The following SLC35F5 variants were observed in gnomAD, a reference collection of about 807,000 sequenced individuals.
SLC35F5 encodes HCV NS5A-transactivated protein 3.
A neutral mutation model predicts 68.6 loss-of-function variants in SLC35F5; 54 were observed. That is an observed-to-expected ratio of 0.79 (90% CI 0.63 to 0.99). SLC35F5 has a LOEUF of 0.99. Ranked by LOEUF, SLC35F5 falls within the 50% of genes least tolerant of loss-of-function variation. SLC35F5 has a pLI of 0.00. For synonymous variants in SLC35F5, 211 were observed against 205.2 expected, an observed-to-expected ratio of 1.03 and a Z score of -0.24; for missense variants, 567 against 626.9, an observed-to-expected ratio of 0.90 and a Z score of 1.02.
Position 113,712,267 on chromosome 2 carries a change from A to G in SLC35F5, c.*2951T>C, listed in dbSNP as rs560700044. Among the ~76,000 whole-genome samples, 1 of 152,366 alleles carries G rather than the reference A, an allele frequency of 6.6e-6. No homozygotes were observed. The highest frequency in any genetic ancestry group is 2.4e-5 in the African/African-American group (1 of 41,584). ...TTAAAGGAATAAGTATGGGTGCATT[A>G]CATAAACCTAATGGTTCTTCTAAGC... On this transcript the variant is annotated 3_prime_UTR_variant, in exon 16 of 16. Transcript: ENST00000245680.
rs943309044 is a variant in SLC35F5, at chr2:113,712,186, T to G, written c.*3032A>C. 6.6e-6 allele frequency among the ~76,000 whole-genome samples: 1 copy of G among 152,234 alleles called. No individual in the cohort carries two copies. Among genetic ancestry groups the G allele is most frequent in the Non-Finnish European group, 1.5e-5 (1 of 68,036 alleles). On this transcript the variant is annotated 3_prime_UTR_variant, in exon 16 of 16. Coordinates refer to ENST00000245680, the MANE Select transcript of SLC35F5 (RefSeq NM_025181.5). ...GGAAAATCAGCTTAATGTAAAGAAT[T>G]AATTAAATCAGGTTGACAGAAGCCA...
In SLC35F5 at chr2:113,756,522, C is replaced by G; in HGVS notation, c.-113G>C. On this transcript the variant is annotated 5_prime_UTR_variant, in exon 1 of 16. Coordinates refer to ENST00000245680, the MANE Select transcript of SLC35F5 (RefSeq NM_025181.5). ...GCACTGGAGGCCCAGCTCCTGAAGA[C>G]GCGGTGCCCCTCAGGGAGAGGCTCC... 4.0e-6 allele frequency: 6 copies of G among 1,498,342 alleles called. No homozygotes were observed. Among genetic ancestry groups the G allele is most frequent in the Non-Finnish European group, 5.3e-6 (6 of 1,128,106 alleles). 92.8% of individuals were successfully genotyped at this position (1,498,342 alleles called of 1,614,324 possible).
At chr2:113,730,708 A>T (rs1687848516) in intron 10 of SLC35F5, among the ~76,000 whole-genome samples, 1 of 152,230 alleles carries the variant, frequency 6.6e-6, no homozygotes, top group Non-Finnish European at 1.5e-5. Flanking sequence ...CACTGGGATA[A>T]CAGGCATGAG....
chr2:113,703,093 G>C (rs1686728035), downstream of SLC35F5, among the ~76,000 whole-genome samples: 1 of 151,122 alleles, frequency 6.6e-6, no homozygotes, highest in Non-Finnish European at 1.5e-5. Flanking sequence ...CTGGGTGACA[G>C]AGCAAGACCC....
In SLC35F5 at chr2:113,756,602, G is replaced by T; in HGVS notation, c.-193C>A. ...AGGGCGTGGAGCGGGTGAGGGGAAG[G>T]GACGGCACAGTCAGCTATGGCCGCG... On this transcript the variant is annotated 5_prime_UTR_variant, in exon 1 of 16. Transcript: ENST00000245680. 1 of 1,389,798 alleles carries T rather than the reference G, an allele frequency of 7.2e-7. No individual in the cohort carries two copies. The highest frequency in any genetic ancestry group is 9.4e-7 in the Non-Finnish European group (1 of 1,065,214). 86.1% of individuals were successfully genotyped at this position (1,389,798 alleles called of 1,614,324 possible).
At chr2:113,716,130 T>C (rs1401684876) in intron 15 of SLC35F5, among the ~76,000 whole-genome samples, 1 of 151,840 alleles carries the variant, frequency 6.6e-6, no homozygotes, top group Non-Finnish European at 1.5e-5. Flanking sequence ...AAAAGAAAAG[T>C]AGAGAGATGA....
At position 113,755,462 on chromosome 2, in the gene SLC35F5, A is replaced by AG. The variant is rs1676938301; in HGVS notation, c.122_123insC (p.Lys42Ter). ...ATAAACGTGGAATCTACCTTGTCTT[A>AG]AGAGCCCTTCTGAGATCCTCAAGAG... On this transcript the variant is annotated frameshift_variant, in exon 2 of 16. Coordinates refer to ENST00000245680, the MANE Select transcript of SLC35F5 (RefSeq NM_025181.5). LOFTEE classifies it high-confidence loss of function. 6.2e-7 allele frequency: 1 copy of AG among 1,614,120 alleles called. No homozygotes were observed. Among genetic ancestry groups the AG allele is most frequent in the Non-Finnish European group, 8.5e-7 (1 of 1,179,956 alleles).
At chr2:113,716,187 A>C (rs1044963340) in intron 15 of SLC35F5, among the ~76,000 whole-genome samples, 5 of 152,222 alleles carry the variant, frequency 3.3e-5, no homozygotes, top group African/African-American at 1.2e-4. Context: ...ACAGGACCAG[A>C]TATCTCTGTA....
intron 7 of SLC35F5, among the ~76,000 whole-genome samples, chr2:113,738,351 G>A (rs1688167432): frequency 6.6e-6 from 1 of 152,044 alleles, no homozygotes; most frequent in African/African-American, 2.4e-5. Flanking sequence ...GTGAGTATTT[G>A]ACATTCTATG....
intron 15 of SLC35F5, 105 bp downstream of exon 15, chr2:113,717,648 C>T (rs1687230167): frequency 1.4e-6 from 1 of 734,614 alleles, no homozygotes; most frequent in East Asian, 2.8e-5. Flanking sequence ...CCTTTAGCCT[C>T]TAAGGCTGTA....
At chr2:113,732,192 C>G (rs1487899640) in intron 9 of SLC35F5, among the ~76,000 whole-genome samples, 1 of 152,154 alleles carries the variant, frequency 6.6e-6, no homozygotes, top group Non-Finnish European at 1.5e-5. Context: ...AACAATTTCA[C>G]TAATCTCATG....
At chr2:113,756,114 G>A in intron 1 of SLC35F5, 2 of 1,445,608 alleles carry the variant, frequency 1.4e-6, no homozygotes, top group Non-Finnish European at 1.8e-6. Context: ...CTGTTTTGGA[G>A]CGGGGAAGAC....
At chr2:113,734,113 G>A (rs1461277658) in intron 9 of SLC35F5, among the ~76,000 whole-genome samples, 3 of 152,338 alleles carry the variant, frequency 2.0e-5, no homozygotes, top group African/African-American at 7.2e-5. Context: ...ATATTATGCA[G>A]TAGTGCAAAA....
intron 12 of SLC35F5, among the ~76,000 whole-genome samples, chr2:113,723,603 G>A (rs1328226406): frequency 6.6e-6 from 1 of 152,142 alleles, no homozygotes; most frequent in African/African-American, 2.4e-5. Flanking sequence ...TTAAGGAAGT[G>A]ATAAGCCAAC....
intron 13 of SLC35F5, among the ~76,000 whole-genome samples, chr2:113,720,682 A>C (rs1687396467): frequency 6.6e-6 from 1 of 152,222 alleles, no homozygotes; most frequent in Admixed American, 6.5e-5. Flanking sequence ...TGCTGCATTT[A>C]AATTATCCAA....
At chr2:113,743,864 A>T in intron 5 of SLC35F5, 70 bp from the exon 6 acceptor site, 1 of 1,287,926 alleles carries the variant, frequency 7.8e-7, no homozygotes, top group Non-Finnish European at 1.1e-6. Context: ...ATTTAAATGG[A>T]TAGTACGTAG....
intron 9 of SLC35F5, 83 bp downstream of exon 9, chr2:113,734,503 A>G: frequency 1.3e-6 from 1 of 774,422 alleles, no homozygotes; most frequent in South Asian, 1.8e-5. Flanking sequence ...CTCTTACAAT[A>G]CAAACTACCC....
intron 7 of SLC35F5, 31 bp downstream of exon 7, chr2:113,742,661 A>G (rs1022103956): frequency 5.0e-6 from 8 of 1,608,086 alleles, no homozygotes; most frequent in Non-Finnish European, 6.8e-6. Context: ...AGTTTCAAAC[A>G]TCATATGCAA....
intron 7 of SLC35F5, 112 bp downstream of exon 7, chr2:113,742,580 C>T: frequency 9.2e-7 from 1 of 1,082,530 alleles, no homozygotes; most frequent in Non-Finnish European, 1.3e-6. Context: ...AGTTTAAAGT[C>T]ATGATTAAAC....
Sources: gnomAD v4.1 joint callset for allele counts (sites outside exome capture counted in the v4.1 genomes callset) on GRCh38, gnomAD v4.1.1 for gene constraint, MANE v1.5 for transcripts, NCBI Gene and HGNC (gene_info 2026-07-23, HGNC 2026-07-21) for gene names.